TAF1A: variants seen among roughly 807,000 people sequenced by gnomAD.
The protein encoded by TAF1A is TATA box-binding protein-associated factor RNA polymerase I subunit A.
Under a neutral mutation model 61.6 loss-of-function variants are expected in TAF1A, and 42 were observed. That is an observed-to-expected ratio of 0.68 (90% CI 0.53 to 0.88). The LOEUF (loss-of-function observed/expected upper bound fraction) is 0.88, where lower values mean the gene tolerates loss of function less well. TAF1A is among the 40% of genes least tolerant of loss of function. TAF1A has a pLI of 0.00. For synonymous variants in TAF1A, 179 were observed against 177.7 expected (o/e 1.01, Z -0.06); for missense variants, 424 against 518.7 (o/e 0.82, Z 1.77).
At chr1:222,561,771 T>A (rs34478208) in intron 9 of TAF1A, among the ~76,000 whole-genome samples, 7 of 152,030 alleles carry the variant, frequency 4.6e-5, no homozygotes, top group Non-Finnish European at 1.0e-4. Context: ...CAGAACAGAC[T>A]CGAAGCCAGA....
intron 8 of TAF1A, among the ~76,000 whole-genome samples, chr1:222,563,836 A>T (rs568819179): frequency 6.6e-6 from 1 of 152,228 alleles, no homozygotes; most frequent in East Asian, 1.9e-4. Flanking sequence ...CCAGATAATA[A>T]ATATTTTAAG....
chr1:222,584,980 T>C (rs1660955107), intron 2 of TAF1A, among the ~76,000 whole-genome samples: 1 of 152,206 alleles, frequency 6.6e-6, no homozygotes, highest in Admixed American at 6.5e-5. Context: ...TTTACAAAGA[T>C]ACTTTTAAAA....
chr1:222,571,059 GA>G (rs1484790702), intron 5 of TAF1A, among the ~76,000 whole-genome samples: 1 of 152,058 alleles, frequency 6.6e-6, no homozygotes, highest in Non-Finnish European at 1.5e-5. Flanking sequence ...CTTAACATCT[GA>G]AAATCAATTA....
At chr1:222,561,849 T>C (rs1485358699) in intron 9 of TAF1A, among the ~76,000 whole-genome samples, 1 of 152,208 alleles carries the variant, frequency 6.6e-6, no homozygotes, top group African/African-American at 2.4e-5. Flanking sequence ...GCTGAACCTC[T>C]CTGAGCTTCA....
chr1:222,580,402 C>T (rs1334176032), intron 3 of TAF1A, among the ~76,000 whole-genome samples: 3 of 152,106 alleles, frequency 2.0e-5, no homozygotes. Flanking sequence ...AATATTTTAT[C>T]CTCAGATCAC....
downstream of TAF1A, among the ~76,000 whole-genome samples, chr1:222,555,726 A>C (rs1281353367): frequency 6.6e-6 from 1 of 152,190 alleles, no homozygotes; most frequent in Non-Finnish European, 1.5e-5. Flanking sequence ...TACATACACA[A>C]TACATACATA....
intron 9 of TAF1A, among the ~76,000 whole-genome samples, chr1:222,562,483 A>C (rs1659956239): frequency 6.6e-6 from 1 of 152,206 alleles, no homozygotes; most frequent in South Asian, 2.1e-4. Context: ...AAACCATTTT[A>C]TAAACAGCAC....
chr1:222,573,970 G>A (rs1012460272), intron 5 of TAF1A, among the ~76,000 whole-genome samples: 2 of 114,436 alleles, frequency 1.7e-5, no homozygotes, highest in Admixed American at 1.0e-4. Context: ...TGCTTTCTTT[G>A]TCAAAATTTT....
intron 6 of TAF1A, 149 bp from the exon 7 acceptor site, chr1:222,569,817 A>T (rs1306419559): frequency 3.0e-6 from 2 of 672,358 alleles, no homozygotes; most frequent in Admixed American, 6.3e-5. Flanking sequence ...TGTTACTACT[A>T]ATAAACAATG....
In TAF1A at chr1:222,558,489, G is replaced by C. The variant is rs1305060083; in HGVS notation, c.*171C>G. On this transcript the variant is annotated 3_prime_UTR_variant, in exon 11 of 11. Coordinates refer to ENST00000352967, the MANE Select transcript of TAF1A (RefSeq NM_005681.4). ...AACAGACATAGTTACAAAGAGCAAA[G>C]GCAGTAATATTGTTTCTCTAGCTAT... The C allele has an allele frequency of 3.4e-6, 1 of 291,300 alleles. No homozygotes were observed. The highest frequency in any genetic ancestry group is 6.2e-6 in the Non-Finnish European group (1 of 160,432). 18.0% of individuals were successfully genotyped at this position (291,300 alleles called of 1,614,324 possible).
Position 222,570,519 on chromosome 1 carries a change from T to C in TAF1A, c.735+16A>G, listed in dbSNP as rs753075787. On this transcript the variant is annotated intron_variant, in intron 6 of 10. Coordinates refer to ENST00000352967, the MANE Select transcript of TAF1A (RefSeq NM_005681.4). ...GACAAAATAAAACCAATAAATTTAA[T>C]GAAAATTCTACTTACTTCTACATAA... 13 of 1,590,150 alleles carry C rather than the reference T, an allele frequency of 8.2e-6. No individual in the cohort carries two copies. Among genetic ancestry groups the C allele is most frequent in the Non-Finnish European group, 1.1e-5 (13 of 1,164,200 alleles).
chr1:222,569,710 G>C, intron 6 of TAF1A, 42 bp from the exon 7 acceptor site: 2 of 1,543,740 alleles, frequency 1.3e-6, no homozygotes, highest in East Asian at 2.3e-5. Flanking sequence ...AATTCTGTAA[G>C]ACAGCTATAC....
chr1:222,588,337 A>G, intron 2 of TAF1A, 106 bp downstream of exon 2: 1 of 1,397,830 alleles, frequency 7.2e-7, no homozygotes, highest in Non-Finnish European at 9.7e-7. Flanking sequence ...AACCCTCCAC[A>G]TATTCCTCTT....
downstream of TAF1A, among the ~76,000 whole-genome samples, chr1:222,556,442 G>T (rs1445379582): frequency 6.6e-6 from 1 of 152,202 alleles, no homozygotes; most frequent in Non-Finnish European, 1.5e-5. Flanking sequence ...GAACCACATT[G>T]ATTGGGTTGG....
At chr1:222,564,006 T>A in intron 8 of TAF1A, 53 bp downstream of exon 8, 3 of 1,121,176 alleles carry the variant, frequency 2.7e-6, no homozygotes, top group Non-Finnish European at 4.0e-6. Flanking sequence ...AGTTTGCTGG[T>A]CCCTAGTCTA....
rs73122833 is a variant in TAF1A at position 222,564,799 on chromosome 1, C to T, written c.895-674G>A. Among the ~76,000 whole-genome samples, 447 of 152,066 alleles carry T rather than the reference C, an allele frequency of 2.9e-3. 2 individuals carry two copies. Among genetic ancestry groups the T allele is most frequent in the Middle Eastern group, 0.01 (3 of 294 alleles). ...ATTCTGCTTACTAAAGTACTTTGAC[C>T]TTACATTGAAATAATTTCCAACAAA... On this transcript the variant is annotated intron_variant, in intron 7 of 10. Transcript: ENST00000352967.
intron 10 of TAF1A, among the ~76,000 whole-genome samples, chr1:222,559,144 T>G (rs2102633401): frequency 6.6e-6 from 1 of 152,354 alleles, no homozygotes; most frequent in East Asian, 1.9e-4. Flanking sequence ...AGTCACATAT[T>G]AAATGAGCCT....
chr1:222,577,667 C>T (rs141066966), intron 4 of TAF1A, 24 bp from the exon 5 acceptor site: 19,582 of 1,602,914 alleles, frequency 0.012, 156 homozygotes, highest in Non-Finnish European at 0.014. Flanking sequence ...AAGGGTACAC[C>T]GCCATTTAAG....
rs1660263577 is a variant in TAF1A at position 222,569,581 on chromosome 1, C to T, written c.823G>A (p.Ala275Thr). ...AGAAAGTTGTATAAGTAGATATGGG[C>T]ATTTGGATTTGATGGAAACTTTTCA... is the stretch of plus-strand genomic sequence containing the variant. Reference protein sequence around the residue: ...YDEKFPSNPNAHIYLYNFLKR... With the variant: ...YDEKFPSNPNTHIYLYNFLKR... The change falls in exon 7 of 11, where the codon GCC (alanine) becomes ACC (threonine). Residue 275 changes from alanine (A) to threonine (T), a missense_variant. Coordinates refer to ENST00000352967, the MANE Select transcript of TAF1A (RefSeq NM_005681.4). The T allele has an allele frequency of 1.9e-6, 3 of 1,613,990 alleles. No individual in the cohort carries two copies. The highest frequency in any genetic ancestry group is 1.3e-5 in the African/African-American group (1 of 75,028).
Sources: gnomAD v4.1 joint callset for allele counts (sites outside exome capture counted in the v4.1 genomes callset) on GRCh38, gnomAD v4.1.1 for gene constraint, MANE v1.5 for transcripts, NCBI Gene and HGNC (gene_info 2026-07-23, HGNC 2026-07-21) for gene names.